LTBP1: variants seen among roughly 807,000 people sequenced by gnomAD.
LTBP1 encodes the protein latent transforming growth factor beta binding protein 1.
A neutral mutation model predicts 207.6 loss-of-function variants in LTBP1; 129 were observed. The observed-to-expected ratio is 0.62, with a 90% CI of 0.54 to 0.72. The LOEUF (loss-of-function observed/expected upper bound fraction) is 0.72. Ranked by LOEUF, LTBP1 falls within the 30% of genes least tolerant of loss-of-function variation. The pLI is 0.00. For missense variants in LTBP1, 2,281 were observed against 2,217.2 expected, an observed-to-expected ratio of 1.03 and a Z score of -0.58; for synonymous variants, 963 against 833.7, an observed-to-expected ratio of 1.16 and a Z score of -2.67.
At chr2:33,056,963 G>C (rs978185153) in intron 3 of LTBP1, among the ~76,000 whole-genome samples, 4 of 152,098 alleles carry the variant, frequency 2.6e-5, no homozygotes, top group African/African-American at 9.7e-5. Context: ...TTTTGACAGG[G>C]TGCTGATTGG....
At chr2:33,064,258 C>T (rs1385200287) in intron 3 of LTBP1, among the ~76,000 whole-genome samples, 3 of 152,194 alleles carry the variant, frequency 2.0e-5, no homozygotes, top group African/African-American at 4.8e-5. Flanking sequence ...AGTGACCTTG[C>T]AGCCTCCAAA....
intron 10 of LTBP1, among the ~76,000 whole-genome samples, chr2:33,251,796 C>T (rs1456463017): frequency 6.6e-6 from 1 of 151,804 alleles, no homozygotes; most frequent in Non-Finnish European, 1.5e-5. Flanking sequence ...GGCGGGGGGA[C>T]ACCAAACTTA....
intron 26 of LTBP1, among the ~76,000 whole-genome samples, chr2:33,347,896 G>C (rs1434023179): frequency 6.6e-6 from 1 of 152,154 alleles, no homozygotes; most frequent in Non-Finnish European, 1.5e-5. Flanking sequence ...AATGTGTCTT[G>C]ACACTTCTCT....
intron 23 of LTBP1, 36 bp downstream of exon 23, chr2:33,309,592 C>A (rs199830616): frequency 7.5e-6 from 12 of 1,593,470 alleles, no homozygotes; most frequent in Non-Finnish European, 1.0e-5. Context: ...TCATTATTTA[C>A]GTAATTCTTC....
At chr2:33,112,682 G>A (rs573816487) in intron 4 of LTBP1, among the ~76,000 whole-genome samples, 149 of 152,274 alleles carry the variant, frequency 9.8e-4, no homozygotes, top group Non-Finnish European at 1.7e-3. Flanking sequence ...AATTTGGCAG[G>A]ACCATGAAGG....
intron 19 of LTBP1, among the ~76,000 whole-genome samples, chr2:33,281,899 C>G (rs964246581): frequency 1.3e-5 from 2 of 151,908 alleles, no homozygotes; most frequent in African/African-American, 2.4e-5. Context: ...ATAAATAATC[C>G]AGGAGCAGAG....
chr2:32,964,868 C>T (rs573535925), intron 2 of LTBP1, among the ~76,000 whole-genome samples: 5 of 151,794 alleles, frequency 3.3e-5, no homozygotes, highest in South Asian at 2.1e-4. Context: ...GGTGAAACCC[C>T]GTCTCTACTA....
rs575919012 is a variant in LTBP1 at position 33,312,124 on chromosome 2, C to T, written c.3604+2568C>T. ...CTAGAGGCAGTTTTGTGATCTTTCA[C>T]TCTGCCTGAAGTTAGTAGCCTACTT... is the stretch of plus-strand genomic sequence containing the variant. On this transcript the variant is annotated intron_variant, in intron 23 of 33. Coordinates refer to ENST00000404816, the MANE Select transcript of LTBP1 (RefSeq NM_206943.4). Among the ~76,000 whole-genome samples the T allele has an allele frequency of 3.2e-4, 49 of 152,316 alleles. No homozygotes were observed. The South Asian group carries it at 9.9e-3, about 31-fold the overall frequency.
At chr2:33,353,671 G>T (rs889987753) in intron 26 of LTBP1, among the ~76,000 whole-genome samples, 7 of 152,036 alleles carry the variant, frequency 4.6e-5, no homozygotes, top group African/African-American at 1.7e-4. Context: ...TCACACTTCC[G>T]TGTAGGAAGT....
chr2:33,188,462 C>A lies in LTBP1; in HGVS notation c.1427-115C>A, dbSNP rs146895782. On this transcript the variant is annotated intron_variant, in intron 6 of 33. Transcript: ENST00000404816. ...AAAAAAAAGAATTTTGATGGCTATGCAGCAAAATGCTACACATGCATGCAT... is the reference window on the plus strand; with the variant it reads ...AAAAAAAAGAATTTTGATGGCTATGAAGCAAAATGCTACACATGCATGCAT... 535 of 638,362 alleles carry A rather than the reference C, an allele frequency of 8.4e-4. 3 individuals carry two copies. The highest frequency in any genetic ancestry group is 5.9e-3 in the African/African-American group (310 of 52,724). 39.5% of individuals were successfully genotyped at this position (638,362 alleles called of 1,614,324 possible). A position where few individuals can be genotyped will look rare whatever the true frequency, so the allele number is the denominator to read the frequency against.
At position 33,110,693 on chromosome 2, in the gene LTBP1, C is replaced by T. The variant is rs762962699; in HGVS notation, c.975C>T (p.Ser325=). 8.1e-6 allele frequency: 13 copies of T among 1,614,036 alleles called. No homozygotes were observed. In the African/African-American group the frequency reaches 1.3e-4, roughly 17 times the overall value. The change falls in exon 4 of 34, where the codon TCC becomes TCT. Residue 325 remains serine, a synonymous_variant. Coordinates refer to ENST00000404816, the MANE Select transcript of LTBP1 (RefSeq NM_206943.4). ...PAQKGISGEQ[S]TEGSFPLRYV... ...AGAAGGGGATTTCAGGAGAGCAGTCCACTGAAGGTTCTTTCCCTTTAAGAT... is the reference window on the plus strand; with the variant it reads ...AGAAGGGGATTTCAGGAGAGCAGTCTACTGAAGGTTCTTTCCCTTTAAGAT...
chr2:33,047,304 G>A (rs1054463235), intron 3 of LTBP1, among the ~76,000 whole-genome samples: 1 of 152,130 alleles, frequency 6.6e-6, no homozygotes, highest in African/African-American at 2.4e-5. Context: ...AGAGATTCTG[G>A]TACGTTGTGT....
chr2:33,189,886 G>A (rs537458805), intron 7 of LTBP1, among the ~76,000 whole-genome samples: 2 of 152,006 alleles, frequency 1.3e-5, no homozygotes, highest in African/African-American at 4.8e-5. Flanking sequence ...AATTAGCCCG[G>A]CGTGGTGGCA....
intron 31 of LTBP1, among the ~76,000 whole-genome samples, chr2:33,370,741 C>A (rs772213696): frequency 2.0e-5 from 3 of 152,174 alleles, no homozygotes; most frequent in Non-Finnish European, 4.4e-5. Context: ...CTGGACTAAT[C>A]CCAGCCTGTC....
chr2:33,006,327 G>A (rs1686858449), intron 2 of LTBP1, among the ~76,000 whole-genome samples: 1 of 151,798 alleles, frequency 6.6e-6, no homozygotes, highest in African/African-American at 2.4e-5. Context: ...TATAGGAGGG[G>A]GAATATATTT....
intron 4 of LTBP1, among the ~76,000 whole-genome samples, chr2:33,111,956 A>T (rs925404398): frequency 3.9e-5 from 6 of 152,242 alleles, no homozygotes; most frequent in Non-Finnish European, 8.8e-5. Context: ...TCGTACTTAA[A>T]GAGCCGTTTC....
rs73924186 is a variant in LTBP1 at position 33,183,645 on chromosome 2, T to C, written c.1202-3211T>C. Among the ~76,000 whole-genome samples, 1,385 of 152,300 alleles carry C rather than the reference T, an allele frequency of 9.1e-3. 21 individuals are homozygous for C. Among genetic ancestry groups the C allele is most frequent in the African/African-American group, 0.032 (1,319 of 41,568 alleles). On this transcript the variant is annotated intron_variant, in intron 5 of 33. Coordinates refer to ENST00000404816, the MANE Select transcript of LTBP1 (RefSeq NM_206943.4). ...AACCATACCAAGTGAGGAGTGCCTG[T>C]ATTCCAGTTATAAATTCTTTGTAGT...
chr2:33,138,634 CT>C (rs1364830206), intron 5 of LTBP1, among the ~76,000 whole-genome samples: 1 of 152,008 alleles, frequency 6.6e-6, no homozygotes, highest in African/African-American at 2.4e-5. Flanking sequence ...CCTTAAGTTC[CT>C]CTGACAAGAA....
At chr2:33,051,084 T>C (rs755185154) in intron 3 of LTBP1, among the ~76,000 whole-genome samples, 7 of 152,142 alleles carry the variant, frequency 4.6e-5, no homozygotes, top group Non-Finnish European at 8.8e-5. Flanking sequence ...ACCATGATTG[T>C]GAAGCTCCAT....
Sources: gnomAD v4.1 joint callset for allele counts (sites outside exome capture counted in the v4.1 genomes callset) on GRCh38, gnomAD v4.1.1 for gene constraint, MANE v1.5 for transcripts, NCBI Gene and HGNC (gene_info 2026-07-23, HGNC 2026-07-21) for gene names.